PLPP1: variants seen among roughly 807,000 people sequenced by gnomAD.
The protein encoded by PLPP1 is lipid phosphate phosphohydrolase 1a.
Under a neutral mutation model 31.2 loss-of-function variants are expected in PLPP1, and 24 were observed. That is an observed-to-expected ratio of 0.77 (90% confidence interval 0.56 to 1.08). The LOEUF (loss-of-function observed/expected upper bound fraction) is 1.08, where lower values mean the gene tolerates loss of function less well. Ranked by LOEUF, PLPP1 falls within the 50% of genes least tolerant of loss-of-function variation. The pLI is 0.00. For synonymous variants in PLPP1, 146 were observed against 126.3 expected (o/e 1.16, Z -1.05); for missense variants, 319 against 342.7 (o/e 0.93, Z 0.55).
At chr5:55,511,733 T>G (rs929943918) in intron 1 of PLPP1, among the ~76,000 whole-genome samples, 2 of 141,232 alleles carry the variant, frequency 1.4e-5, no homozygotes, top group South Asian at 4.9e-4. Flanking sequence ...GCGCGATCTC[T>G]GCTCACTGCA....
chr5:55,475,550 C>A, intron 1 of PLPP1, 100 bp from the exon 2 acceptor site: 2 of 1,136,110 alleles, frequency 1.8e-6, no homozygotes, highest in South Asian at 1.9e-5. Flanking sequence ...AATGCATTTG[C>A]CATGAAAATA....
intron 3 of PLPP1, among the ~76,000 whole-genome samples, chr5:55,450,944 ATTG>A (rs1751878156): frequency 6.6e-6 from 1 of 152,160 alleles, no homozygotes; most frequent in South Asian, 2.1e-4. Flanking sequence ...TAAAGTACGC[ATTG>A]TTATTGTTTT....
At chr5:55,534,247 C>G (rs907555357) in intron 1 of PLPP1, among the ~76,000 whole-genome samples, 1 of 152,206 alleles carries the variant, frequency 6.6e-6, no homozygotes, top group Non-Finnish European at 1.5e-5. Flanking sequence ...GCTCCTCTAC[C>G]GTACAGAGGG....
chr5:55,432,098 CTTTTTTT>C (rs869025950), intron 4 of PLPP1, among the ~76,000 whole-genome samples: 39 of 7,150 alleles, frequency 5.5e-3, no homozygotes, highest in Admixed American at 0.01. Context: ...TCTTTTTCTT[CTTTTTTT>C]TTTTTTTTTT....
At chr5:55,439,608 T>G (rs1272202093) in intron 4 of PLPP1, among the ~76,000 whole-genome samples, 3 of 152,182 alleles carry the variant, frequency 2.0e-5, no homozygotes, top group Non-Finnish European at 4.4e-5. Flanking sequence ...CGAGTTGATA[T>G]CCTTCATATG....
chr5:55,443,208 TATATAC>T lies in PLPP1; in HGVS notation c.492-1306_492-1301del, dbSNP rs1393994231. 5.3e-4 allele frequency among the ~76,000 whole-genome samples: 60 copies of T among 113,432 alleles called. 1 individual carries two copies. Among genetic ancestry groups the T allele is most frequent in the Middle Eastern group, 5.0e-3 (1 of 202 alleles). 74.4% of individuals were successfully genotyped at this position (113,432 alleles called of 152,430 possible). Reference sequence around the variant, plus strand: ...AAAAAAAAAAATATATATATATATATATATACACACACACACACACACACACATATA... The same window carrying T: ...AAAAAAAAAAATATATATATATATATACACACACACACACACACACATATA... On this transcript the variant is annotated intron_variant, in intron 3 of 5. Coordinates refer to ENST00000307259, the MANE Select transcript of PLPP1 (RefSeq NM_003711.4).
chr5:55,463,148 C>G (rs1752204169), intron 3 of PLPP1, among the ~76,000 whole-genome samples: 1 of 151,816 alleles, frequency 6.6e-6, no homozygotes, highest in African/African-American at 2.4e-5. Context: ...AACACATGGA[C>G]AGAGGGAGGG....
intron 1 of PLPP1, among the ~76,000 whole-genome samples, chr5:55,505,414 G>T (rs563209055): frequency 6.6e-6 from 1 of 150,802 alleles, no homozygotes; most frequent in East Asian, 2.0e-4. Flanking sequence ...AACAACATAG[G>T]GAGACTCCCA....
At chr5:55,466,515 A>T (rs1231558766) in intron 3 of PLPP1, among the ~76,000 whole-genome samples, 1 of 151,982 alleles carries the variant, frequency 6.6e-6, no homozygotes, top group East Asian at 1.9e-4. Context: ...CCAGCCTGGA[A>T]AACATGGTAA....
chr5:55,444,270 G>A (rs989162261), intron 3 of PLPP1, among the ~76,000 whole-genome samples: 4 of 152,098 alleles, frequency 2.6e-5, no homozygotes, highest in East Asian at 3.9e-4. Flanking sequence ...TAGTAGAGAC[G>A]AGGTTTCGCC....
intron 1 of PLPP1, among the ~76,000 whole-genome samples, chr5:55,489,803 G>C (rs1431661069): frequency 6.6e-6 from 1 of 152,156 alleles, no homozygotes; most frequent in African/African-American, 2.4e-5. Flanking sequence ...CTAAAGTTTT[G>C]TAAGTCATAT....
intron 1 of PLPP1, among the ~76,000 whole-genome samples, chr5:55,521,627 T>C (rs185977290): frequency 2.9e-4 from 44 of 152,350 alleles, no homozygotes; most frequent in African/African-American, 1.0e-3. Context: ...CACTCATTCT[T>C]AGTAATCTCA....
intron 1 of PLPP1, chr5:55,530,760 C>G: frequency 6.4e-7 from 1 of 1,564,072 alleles, no homozygotes; most frequent in South Asian, 1.1e-5. Flanking sequence ...TCATTGCAGT[C>G]AGGAAACATT....
intron 3 of PLPP1, among the ~76,000 whole-genome samples, chr5:55,455,377 A>C (rs1480008272): frequency 2.0e-5 from 3 of 152,200 alleles, no homozygotes; most frequent in South Asian, 4.1e-4. Context: ...AGAACGCTTG[A>C]GCCCAGGTGT....
intron 3 of PLPP1, among the ~76,000 whole-genome samples, chr5:55,462,119 A>T (rs1326575081): frequency 6.6e-6 from 1 of 152,236 alleles, no homozygotes; most frequent in African/African-American, 2.4e-5. Flanking sequence ...TTCTTCAAAA[A>T]TTGATCTATA....
In PLPP1 at chr5:55,467,872, C is replaced by G; in HGVS notation, c.488G>C (p.Gly163Ala). The G allele has an allele frequency of 6.2e-7, 1 of 1,608,368 alleles. No homozygotes were observed. The highest frequency in any genetic ancestry group is 8.5e-7 in the Non-Finnish European group (1 of 1,176,680). Residue 163 changes from glycine (G) to alanine (A), a missense_variant, in exon 3 of 6, where the codon GGC (glycine) becomes GCC (alanine). Transcript: ENST00000307259. ...GCATTAGCGATTTAACACTCACCTG[C>G]CTTCCTTAACTCTTTCTGCATTCCC... is the stretch of plus-strand genomic sequence containing the variant. ...CRGNAERVKE[G>A]RLSFYSGHSS... is the part of the protein sequence containing the mutation.
At chr5:55,530,808 G>A (rs1242844489) in intron 1 of PLPP1, 6 of 1,418,420 alleles carry the variant, frequency 4.2e-6, no homozygotes, top group African/African-American at 2.8e-5. Context: ...CGGTCCGCAC[G>A]GGCGTTTTGA....
At chr5:55,456,959 A>C (rs1453489807) in intron 3 of PLPP1, among the ~76,000 whole-genome samples, 3 of 152,116 alleles carry the variant, frequency 2.0e-5, no homozygotes, top group Non-Finnish European at 4.4e-5. Flanking sequence ...CAGGAGTTTG[A>C]GACCAGCCTG....
intron 1 of PLPP1, chr5:55,484,987 AG>A (rs1441346527): frequency 6.6e-6 from 1 of 152,188 alleles, no homozygotes; most frequent in Non-Finnish European, 1.5e-5. Context: ...AGGACAGAAA[AG>A]TTCTACATTC....
Sources: allele counts gnomAD v4.1 joint callset (sites outside exome capture counted in the v4.1 genomes callset), GRCh38; gene constraint gnomAD v4.1.1; transcripts MANE v1.5; gene names NCBI Gene and HGNC (gene_info 2026-07-23, HGNC 2026-07-21).